DLGAP2: variants seen among roughly 807,000 people sequenced by gnomAD.
DLGAP2 encodes disks large-associated protein 2.
A neutral mutation model predicts 100.3 loss-of-function variants in DLGAP2; 26 were observed. The ratio of observed to expected loss-of-function variants is 0.26; its 90% confidence interval spans 0.19 to 0.36. DLGAP2 has a LOEUF of 0.36. Ranked by LOEUF, DLGAP2 falls within the 10% of genes least tolerant of loss-of-function variation. The pLI, the probability that DLGAP2 is intolerant of heterozygous loss-of-function variation, is 1.00. For missense variants in DLGAP2, 1,858 were observed against 1,453.2 expected (o/e 1.28, Z -4.53); for synonymous variants, 886 against 630.1 (o/e 1.41, Z -6.08).
In DLGAP2 at chr8:990,273, G is replaced by A. The variant is rs370809025; in HGVS notation, c.73+82307G>A. 2.0e-5 allele frequency among the ~76,000 whole-genome samples: 3 copies of A among 151,678 alleles called. No individual in the cohort carries two copies. The East Asian group carries it at 5.8e-4, about 29-fold the overall frequency. ...GGTGCCCAAGTCCTGCGCTGCATGG[G>A]AATCGACCTTCTGAAGTTTTCTATG... On this transcript the variant is annotated intron_variant, in intron 2 of 14. Coordinates refer to ENST00000637795, the MANE Select transcript of DLGAP2 (RefSeq NM_001346810.2).
chr8:1,285,562 A>G (rs1232722325), intron 3 of DLGAP2, among the ~76,000 whole-genome samples: 1 of 152,242 alleles, frequency 6.6e-6, no homozygotes, highest in Non-Finnish European at 1.5e-5. Flanking sequence ...CACGTGAACA[A>G]GACACACCTG....
At chr8:745,943 G>A (rs68021393) in intron 1 of DLGAP2, among the ~76,000 whole-genome samples, 37,319 of 152,116 alleles carry the variant, frequency 0.25, 5,368 homozygotes, top group Non-Finnish European at 0.32. Flanking sequence ...CTCACTCAGC[G>A]CCAGGCCACC....
intron 1 of DLGAP2, among the ~76,000 whole-genome samples, chr8:776,964 A>T (rs974842784): frequency 6.6e-5 from 10 of 152,174 alleles, no homozygotes; most frequent in African/African-American, 2.4e-4. Context: ...AAAATCTCCC[A>T]TTATTAATAT....
At chr8:1,647,526 A>AAAAAAAAAAAAAT (rs1798069731) in intron 8 of DLGAP2, among the ~76,000 whole-genome samples, 1 of 143,102 alleles carries the variant, frequency 7.0e-6, no homozygotes, top group African/African-American at 2.6e-5. Context: ...AAAAAAAAAA[A>AAAAAAAAAAAAAT]GTGCATCTTT....
intron 4 of DLGAP2, among the ~76,000 whole-genome samples, chr8:1,533,202 T>G (rs1801040211): frequency 2.0e-5 from 3 of 152,176 alleles, no homozygotes; most frequent in African/African-American, 2.4e-5. Context: ...ATTTGATTTT[T>G]AGAATATGTT....
At chr8:1,123,603 C>G (rs538875467) in intron 2 of DLGAP2, among the ~76,000 whole-genome samples, 80 of 152,270 alleles carry the variant, frequency 5.3e-4, no homozygotes, top group Middle Eastern at 3.4e-3. Context: ...GAAGGCCATT[C>G]AAATAATGTG....
chr8:1,196,915 T>G (rs971379693), intron 2 of DLGAP2, among the ~76,000 whole-genome samples: 5 of 152,136 alleles, frequency 3.3e-5, no homozygotes. Flanking sequence ...TCGCTGTGAT[T>G]ATGGGGGCTG....
chr8:1,417,936 T>A (rs62484237), intron 3 of DLGAP2, among the ~76,000 whole-genome samples: 15,341 of 152,108 alleles, frequency 0.1, 1,136 homozygotes, highest in East Asian at 0.36. Context: ...TCAAAATAGC[T>A]ACCACTGACA....
chr8:853,835 T>A (rs1379727095), intron 1 of DLGAP2, among the ~76,000 whole-genome samples: 1 of 152,166 alleles, frequency 6.6e-6, no homozygotes. Flanking sequence ...CTCTCTGTGG[T>A]GGGCTGAAGG....
intron 3 of DLGAP2, among the ~76,000 whole-genome samples, chr8:1,389,123 G>A (rs1796286828): frequency 6.6e-6 from 1 of 152,170 alleles, no homozygotes; most frequent in East Asian, 1.9e-4. Flanking sequence ...GGCTGCAGGT[G>A]GGGAGGGCTC....
At chr8:817,608 A>T (rs1380806057) in intron 1 of DLGAP2, among the ~76,000 whole-genome samples, 1 of 152,216 alleles carries the variant, frequency 6.6e-6, no homozygotes, top group Non-Finnish European at 1.5e-5. Flanking sequence ...CAGAGGGAAG[A>T]TCTGGGATTC....
At chr8:1,234,489 C>T (rs1040512400) in intron 2 of DLGAP2, among the ~76,000 whole-genome samples, 2 of 152,136 alleles carry the variant, frequency 1.3e-5, no homozygotes, top group Admixed American at 6.5e-5. Flanking sequence ...GCCTGTCTCC[C>T]CAGGATTAGG....
chr8:1,432,781 C>T (rs1255066634), intron 3 of DLGAP2, among the ~76,000 whole-genome samples: 2 of 152,182 alleles, frequency 1.3e-5, no homozygotes, highest in Admixed American at 1.3e-4. Context: ...GGGTGATTCC[C>T]GCGATCGCGT....
At chr8:1,217,837 T>C (rs980228934) in intron 2 of DLGAP2, among the ~76,000 whole-genome samples, 1 of 152,190 alleles carries the variant, frequency 6.6e-6, no homozygotes, top group Non-Finnish European at 1.5e-5. Flanking sequence ...GATTTTGATA[T>C]GCATTTCTAT....
intron 2 of DLGAP2, among the ~76,000 whole-genome samples, chr8:1,109,177 ATGGGTCTGTGAGGT>A (rs1326510294): frequency 6.8e-5 from 4 of 58,918 alleles, no homozygotes; most frequent in African/African-American, 3.0e-4. Context: ...TGAGGTGTGC[ATGGGTCTGTGAGGT>A]GTGCACGTGC....
At chr8:1,546,300 C>T (rs1295004176) in intron 4 of DLGAP2, among the ~76,000 whole-genome samples, 2 of 152,198 alleles carry the variant, frequency 1.3e-5, no homozygotes, top group Non-Finnish European at 1.5e-5. Context: ...TATGCAGGAG[C>T]AATCCCTTTG....
chr8:1,589,528 C>T (rs1284869810), intron 6 of DLGAP2, among the ~76,000 whole-genome samples: 7 of 152,104 alleles, frequency 4.6e-5, no homozygotes, highest in East Asian at 1.9e-4. Context: ...CCTCAACCTC[C>T]CCAGGCTCTA....
intron 2 of DLGAP2, among the ~76,000 whole-genome samples, chr8:976,747 A>G (rs137989173): frequency 8.5e-5 from 13 of 152,354 alleles, no homozygotes; most frequent in Admixed American, 2.0e-4. Flanking sequence ...TGCAAGAAAA[A>G]ATGGATGTAG....
rs181552080 is a variant in DLGAP2, at chr8:1,421,795, C to G, written c.107-79571C>G. ...CCTGGCCAACATGGTGAAACCCCGT[C>G]TCTACTATAAATACAAAAATTAGCC... On this transcript the variant is annotated intron_variant, in intron 3 of 14. Transcript: ENST00000637795. Among the ~76,000 whole-genome samples the G allele has an allele frequency of 1.6e-3, 245 of 152,066 alleles. 4 individuals are homozygous for G. Among genetic ancestry groups the G allele is most frequent in the Non-Finnish European group, 4.1e-4 (28 of 67,974 alleles).
Sources: gnomAD v4.1 joint callset for allele counts (sites outside exome capture counted in the v4.1 genomes callset) on GRCh38, gnomAD v4.1.1 for gene constraint, MANE v1.5 for transcripts, NCBI Gene and HGNC (gene_info 2026-07-23, HGNC 2026-07-21) for gene names.